The following PLEKHD1 variants were observed in gnomAD, a reference collection of about 807,000 sequenced individuals.
PLEKHD1 encodes the protein pleckstrin homology and coiled-coil domain containing D1, also known as pleckstrin homology domain-containing family D member 1.
PLEKHD1 carries 51 observed loss-of-function variants against 69.2 expected under a neutral mutation model. The ratio of observed to expected loss-of-function variants is 0.74; its 90% CI spans 0.59 to 0.93. The LOEUF (loss-of-function observed/expected upper bound fraction) is 0.93. Ranked by LOEUF, PLEKHD1 falls within the 40% of genes least tolerant of loss-of-function variation. PLEKHD1 has a pLI of 0.00. For missense variants in PLEKHD1, 584 were observed against 641.0 expected, an observed-to-expected ratio of 0.91 and a Z score of 0.96; for synonymous variants, 236 against 244.7, an observed-to-expected ratio of 0.96 and a Z score of 0.33.
At chr14:69,482,881 C>T (rs576992535), upstream of PLEKHD1, among the ~76,000 whole-genome samples, 1 of 144,238 alleles carries the variant, frequency 6.9e-6, no homozygotes, top group African/African-American at 2.6e-5. Context: ...CATAATGAGA[C>T]CCCCATCTCT....
chr14:69,485,054 A>G lies in PLEKHD1; in HGVS notation c.89A>G (p.Gln30Arg). Residue 30 changes from glutamine (Q) to arginine (R), a missense_variant, in exon 1 of 13, where the codon CAG becomes CGG. By Grantham distance (43) the Gln-to-Arg change is conservative. Transcript: ENST00000322564. Reference sequence around the variant, plus strand: ...GCCCTGGATATCAGCACCAAAGTGCAGCTCTACGGCGTGCTGTGGAAGAGG... The same window carrying G: ...GCCCTGGATATCAGCACCAAAGTGCGGCTCTACGGCGTGCTGTGGAAGAGG... ...SDALDISTKV[Q>R]LYGVLWKRPF... The G allele has an allele frequency of 6.4e-7, 1 of 1,551,368 alleles. No individual in the cohort carries two copies. The highest frequency in any genetic ancestry group is 2.0e-5 in the Admixed American group (1 of 51,014).
intron 1 of PLEKHD1, among the ~76,000 whole-genome samples, chr14:69,491,726 T>G (rs1052624593): frequency 6.6e-6 from 1 of 152,154 alleles, no homozygotes; most frequent in African/African-American, 2.4e-5. Context: ...AAGCTCTGGT[T>G]GAGCCCTTGT....
At chr14:69,507,787 C>T (rs1883184603) in intron 6 of PLEKHD1, among the ~76,000 whole-genome samples, 1 of 152,196 alleles carries the variant, frequency 6.6e-6, no homozygotes, top group South Asian at 2.1e-4. Flanking sequence ...TGGCTCACTG[C>T]AGCCTTGAAT....
At position 69,528,582 on chromosome 14, in the gene PLEKHD1, G is replaced by A; in HGVS notation, c.*163G>A. The A allele has an allele frequency of 3.1e-6, 3 of 975,814 alleles. No individual in the cohort carries two copies. The highest frequency in any genetic ancestry group is 4.4e-6 in the Non-Finnish European group (3 of 680,126). 60.4% of individuals were successfully genotyped at this position (975,814 alleles called of 1,614,324 possible). ...TTGGGGGCCAGCCTTGCCCTCAAAG[G>A]ACATGGACGCTGCCTTCCTCATCCT... is the stretch of plus-strand genomic sequence containing the variant. On this transcript the variant is annotated 3_prime_UTR_variant, in exon 13 of 13. Transcript: ENST00000322564.
At chr14:69,473,830 C>T in the PLEKHD1 span, among the ~76,000 whole-genome samples, 1 of 152,280 alleles carries the variant, frequency 6.6e-6, no homozygotes, top group South Asian at 2.1e-4. Context: ...CTGGAATGCT[C>T]TTGAGGGCAG....
At chr14:69,526,212 TG>T in intron 9 of PLEKHD1, 90 bp downstream of exon 9, 1 of 1,354,330 alleles carries the variant, frequency 7.4e-7, no homozygotes, top group Non-Finnish European at 9.9e-7. Flanking sequence ...GGGTTCTACT[TG>T]GCACTGACCA....
At position 69,526,010 on chromosome 14, in the gene PLEKHD1, C is replaced by A. The variant is rs1272444954; in HGVS notation, c.811C>A (p.Leu271Met). 1.3e-6 allele frequency: 2 copies of A among 1,551,594 alleles called. No homozygotes were observed. Among genetic ancestry groups the A allele is most frequent in the Admixed American group, 3.9e-5 (2 of 50,994 alleles). ...LEENENHLQT[L>M]ANQSEQPPPS... is the part of the protein sequence containing the mutation. ...GGAGAACGAGAACCACCTGCAGACA[C>A]TGGCCAATCAGAGTGAGCAGCCCCC... Residue 271 changes from leucine to methionine, a missense_variant, in exon 9 of 13, where the codon CTG becomes ATG. Physicochemically the swap from Leu to Met is conservative, Grantham distance 15. Transcript: ENST00000322564.
intron 6 of PLEKHD1, chr14:69,503,649 C>A (rs1380173164): frequency 6.8e-6 from 1 of 146,440 alleles, no homozygotes; most frequent in East Asian, 2.0e-4. Flanking sequence ...CGAGATCGCG[C>A]CACTGCACTC....
intron 5 of PLEKHD1, chr14:69,502,476 G>A (rs985295361): frequency 3.2e-6 from 1 of 309,596 alleles, no homozygotes; most frequent in African/African-American, 2.1e-5. Context: ...GCCTGCTTCA[G>A]AACTTCCTAG....
intron 6 of PLEKHD1, among the ~76,000 whole-genome samples, chr14:69,520,351 T>C (rs1883486117): frequency 6.6e-6 from 1 of 152,052 alleles, no homozygotes; most frequent in South Asian, 2.1e-4. Context: ...TAAAGGGGTT[T>C]ATCATCATAA....
upstream of PLEKHD1, among the ~76,000 whole-genome samples, chr14:69,483,542 G>C (rs1882585148): frequency 1.3e-5 from 2 of 152,012 alleles, no homozygotes; most frequent in Non-Finnish European, 2.9e-5. Flanking sequence ...TCTGTCTGTT[G>C]CTTTGGGTGG....
intron 7 of PLEKHD1, 87 bp downstream of exon 7, chr14:69,522,464 C>A: frequency 7.4e-7 from 1 of 1,345,280 alleles, no homozygotes; most frequent in Non-Finnish European, 1.0e-6. Flanking sequence ...GAGGCCTCCA[C>A]CTCAGAGATG....
the PLEKHD1 span, among the ~76,000 whole-genome samples, chr14:69,476,294 G>T: frequency 2.7e-5 from 4 of 149,820 alleles, no homozygotes; most frequent in South Asian, 8.5e-4. Flanking sequence ...TCACTGCTGG[G>T]TGCAATGGAT....
rs1882624403 is a variant in PLEKHD1 at position 69,485,087 on chromosome 14, G to T, written c.122G>T (p.Gly41Val). Residue 41 changes from glycine to valine, a missense_variant, in exon 1 of 13, where the codon GGC becomes GTC. Transcript: ENST00000322564. The stretch of plus-strand genomic sequence containing the variant: ...GGCGTGCTGTGGAAGAGGCCTTTCG[G>T]CAGGCCGTCGGCCAAGTGGTCCCGG... ...LYGVLWKRPF[G>V]RPSAKWSRRF... 6.4e-7 allele frequency: 1 copy of T among 1,550,784 alleles called. No homozygotes were observed.
intron 6 of PLEKHD1, among the ~76,000 whole-genome samples, chr14:69,507,023 C>T (rs1157900880): frequency 6.6e-6 from 1 of 151,494 alleles, no homozygotes; most frequent in Non-Finnish European, 1.5e-5. Flanking sequence ...CTGCCTCTGC[C>T]TCCTGAGTAG....
chr14:69,485,195 C>G, intron 1 of PLEKHD1, 81 bp downstream of exon 1: 1 of 1,436,000 alleles, frequency 7.0e-7, no homozygotes, highest in Non-Finnish European at 9.4e-7. Context: ...CTCCAGTCGC[C>G]GTCGTGCCTC....
At chr14:69,504,456 C>T (rs937820449) in intron 6 of PLEKHD1, among the ~76,000 whole-genome samples, 33 of 138,964 alleles carry the variant, frequency 2.4e-4, no homozygotes, top group African/African-American at 8.5e-4. Flanking sequence ...GCCATATCAT[C>T]AAAAAGCATC....
intron 6 of PLEKHD1, among the ~76,000 whole-genome samples, chr14:69,504,049 TA>T (rs1883098033): frequency 6.6e-6 from 1 of 152,200 alleles, no homozygotes; most frequent in Non-Finnish European, 1.5e-5. Context: ...GCAAGTTATT[TA>T]ACTTCTCCAA....
chr14:69,491,084 A>G (rs1882768133), intron 1 of PLEKHD1, among the ~76,000 whole-genome samples: 1 of 152,314 alleles, frequency 6.6e-6, no homozygotes, highest in East Asian at 1.9e-4. Context: ...TAAAATCTGT[A>G]CCAAGGTTTC....
Sources: gnomAD v4.1 joint callset for allele counts (sites outside exome capture counted in the v4.1 genomes callset) on GRCh38, gnomAD v4.1.1 for gene constraint, MANE v1.5 for transcripts, NCBI Gene and HGNC (gene_info 2026-07-23, HGNC 2026-07-21) for gene names.